The following ARL8B variants were observed in gnomAD, a reference collection of about 807,000 sequenced individuals.
The protein encoded by ARL8B is ADP-ribosylation factor-like protein 8B.
ARL8B carries 9 observed loss-of-function variants against 30.6 expected under a neutral mutation model. The ratio of observed to expected loss-of-function variants is 0.29; its 90% CI spans 0.18 to 0.51. The LOEUF (loss-of-function observed/expected upper bound fraction) is 0.51. ARL8B is among the 20% of genes least tolerant of loss of function. ARL8B has a pLI of 0.97. For synonymous variants in ARL8B, 74 were observed against 76.0 expected (o/e 0.97, Z 0.14); for missense variants, 130 against 227.2 (o/e 0.57, Z 2.75).
rs2054457005 is a variant in ARL8B, at chr3:5,149,244, C to G, written c.124-21259C>G. Among the ~76,000 whole-genome samples, 4 of 152,260 alleles carry G rather than the reference C, an allele frequency of 2.6e-5. No individual in the cohort carries two copies. The South Asian group carries it at 8.3e-4, about 31-fold the overall frequency. On this transcript the variant is annotated intron_variant, in intron 1 of 6. Transcript: ENST00000256496. ...GTGTGCTTTTCTCCCTGTGTTGTCT[C>G]TGCTGCCTCTGGAATAACAGTCTTG...
At chr3:5,151,591 G>A (rs1312033956) in intron 1 of ARL8B, among the ~76,000 whole-genome samples, 1 of 152,144 alleles carries the variant, frequency 6.6e-6, no homozygotes, top group African/African-American at 2.4e-5. Context: ...ATATAGCCAA[G>A]TATTTGGTTG....
At chr3:5,124,513 T>C (rs1285115355) in intron 1 of ARL8B, among the ~76,000 whole-genome samples, 1 of 152,128 alleles carries the variant, frequency 6.6e-6, no homozygotes, top group Non-Finnish European at 1.5e-5. Flanking sequence ...TCACCCAGAC[T>C]GGAGTGCAGT....
chr3:5,157,447 G>A (rs982021951), intron 1 of ARL8B, among the ~76,000 whole-genome samples: 4 of 151,996 alleles, frequency 2.6e-5, no homozygotes, highest in Non-Finnish European at 4.4e-5. Context: ...CTGTCTCAGG[G>A]GCCACAAGGT....
intron 1 of ARL8B, among the ~76,000 whole-genome samples, chr3:5,132,536 G>A (rs1273764220): frequency 2.6e-5 from 4 of 152,068 alleles, no homozygotes; most frequent in African/African-American, 9.7e-5. Context: ...ACTGCGCCCG[G>A]CTCCTCTCAT....
chr3:5,128,577 A>G (rs1327817407), intron 1 of ARL8B: 1 of 359,358 alleles, frequency 2.8e-6, no homozygotes, highest in Non-Finnish European at 5.5e-6. Flanking sequence ...AAGTTTTTCA[A>G]AGATATAGTA....
At chr3:5,128,994 T>A (rs1476526523) in intron 1 of ARL8B, among the ~76,000 whole-genome samples, 2 of 141,888 alleles carry the variant, frequency 1.4e-5, no homozygotes, top group African/African-American at 5.7e-5. Flanking sequence ...GGTAATTCCC[T>A]TATTGGACAT....
chr3:5,146,132 A>G (rs1229701408), intron 1 of ARL8B, among the ~76,000 whole-genome samples: 1 of 152,196 alleles, frequency 6.6e-6, no homozygotes, highest in East Asian at 1.9e-4. Flanking sequence ...AGCACAGTAC[A>G]GTGGTATTGT....
At chr3:5,141,659 G>T (rs962584351) in intron 1 of ARL8B, among the ~76,000 whole-genome samples, 2 of 152,176 alleles carry the variant, frequency 1.3e-5, no homozygotes, top group African/African-American at 4.8e-5. Context: ...AGAGTTGTCA[G>T]TCCTTGTAAA....
intron 1 of ARL8B, among the ~76,000 whole-genome samples, chr3:5,135,657 C>T (rs1214008208): frequency 2.6e-5 from 4 of 151,756 alleles, no homozygotes; most frequent in Non-Finnish European, 4.4e-5. Context: ...CGGAGTTTCA[C>T]CATATTGTCC....
intron 1 of ARL8B, among the ~76,000 whole-genome samples, chr3:5,149,591 T>C (rs1377153438): frequency 6.6e-6 from 1 of 152,262 alleles, no homozygotes; most frequent in Non-Finnish European, 1.5e-5. Context: ...GTGTAAGTTT[T>C]ATTATCACCC....
rs144322444 is a variant in ARL8B at position 5,169,165 on chromosome 3, T to C, written c.124-1338T>C. 6.2e-4 allele frequency among the ~76,000 whole-genome samples: 94 copies of C among 152,278 alleles called. 1 individual carries two copies. In the East Asian group the frequency reaches 0.018, roughly 28 times the overall value. ...TTCAGTAGTGTTAAGTACATTCACATTGTGTAACCATCACCACTGTCCACT... is the reference window on the plus strand; with the variant it reads ...TTCAGTAGTGTTAAGTACATTCACACTGTGTAACCATCACCACTGTCCACT... On this transcript the variant is annotated intron_variant, in intron 1 of 6. Coordinates refer to ENST00000256496, the MANE Select transcript of ARL8B (RefSeq NM_018184.3).
At chr3:5,174,227 A>G (rs1266560265) in intron 5 of ARL8B, 117 bp from the exon 6 acceptor site, 1 of 1,071,898 alleles carries the variant, frequency 9.3e-7, no homozygotes, top group Non-Finnish European at 1.4e-6. Context: ...CTAACATTTT[A>G]GGATTGCTAC....
intron 2 of ARL8B, 147 bp downstream of exon 2, chr3:5,170,730 G>A (rs1337435931): frequency 1.6e-5 from 9 of 547,418 alleles, no homozygotes; most frequent in African/African-American, 4.0e-5. Context: ...TTTTGTTGTT[G>A]TTTTTTTGTT....
intron 1 of ARL8B, among the ~76,000 whole-genome samples, chr3:5,136,146 G>GCA (rs59436931): frequency 0.37 from 55,518 of 150,442 alleles, 11,011 homozygotes; most frequent in African/African-American, 0.55. Flanking sequence ...TTGTTCTGTT[G>GCA]CAGGCTGGAG....
chr3:5,132,463 T>G (rs1469384194), intron 1 of ARL8B, among the ~76,000 whole-genome samples: 1 of 152,162 alleles, frequency 6.6e-6, no homozygotes, highest in Admixed American at 6.5e-5. Context: ...GGCCTTGAAC[T>G]CCTCACCTTA....
intron 1 of ARL8B, among the ~76,000 whole-genome samples, chr3:5,135,466 A>G (rs1205336225): frequency 1.3e-5 from 2 of 149,822 alleles, no homozygotes; most frequent in Non-Finnish European, 3.0e-5. Flanking sequence ...TACTATTATT[A>G]TTATTTTTTT....
intron 1 of ARL8B, among the ~76,000 whole-genome samples, chr3:5,135,820 T>C (rs2054320475): frequency 6.8e-6 from 1 of 146,330 alleles, no homozygotes; most frequent in Admixed American, 6.9e-5. Context: ...AGGGTCTCAC[T>C]CTGTCGCCCA....
At chr3:5,147,809 C>G (rs1379581352) in intron 1 of ARL8B, among the ~76,000 whole-genome samples, 1 of 151,690 alleles carries the variant, frequency 6.6e-6, no homozygotes, top group Non-Finnish European at 1.5e-5. Flanking sequence ...CCTTGCCCTA[C>G]TGGGTCCTCC....
At chr3:5,144,693 C>T (rs1345240148) in intron 1 of ARL8B, among the ~76,000 whole-genome samples, 1 of 152,194 alleles carries the variant, frequency 6.6e-6, no homozygotes, top group Non-Finnish European at 1.5e-5. Flanking sequence ...CTAATTTCTT[C>T]CTCCAGGGAG....
Sources: allele counts gnomAD v4.1 joint callset (sites outside exome capture counted in the v4.1 genomes callset), GRCh38; gene constraint gnomAD v4.1.1; transcripts MANE v1.5; gene names NCBI Gene and HGNC (gene_info 2026-07-23, HGNC 2026-07-21).